SRGAP2B: variants seen among roughly 807,000 people sequenced by gnomAD.
SRGAP2B encodes SLIT-ROBO Rho GTPase activating protein 2B.
Under a neutral mutation model 22.2 loss-of-function variants are expected in SRGAP2B, and 9 were observed. The ratio of observed to expected loss-of-function variants is 0.41; its 90% confidence interval spans 0.24 to 0.71. SRGAP2B has a LOEUF of 0.71. SRGAP2B is among the 30% of genes least tolerant of loss of function. The pLI, the probability that SRGAP2B is intolerant of heterozygous loss-of-function variation, is 0.35. For missense variants in SRGAP2B, 114 were observed against 235.8 expected, an observed-to-expected ratio of 0.48 and a Z score of 3.38; for synonymous variants, 36 against 87.4, an observed-to-expected ratio of 0.41 and a Z score of 3.28.
intron 7 of SRGAP2B, among the ~76,000 whole-genome samples, chr1:144,904,698 CAAAAAA>C (rs1192600476): frequency 5.9e-5 from 1 of 16,938 alleles, no homozygotes; most frequent in East Asian, 2.0e-3. Context: ...GACTCTATCT[CAAAAAA>C]AAAAAAAAAA....
intron 4 of SRGAP2B, among the ~76,000 whole-genome samples, chr1:144,922,635 C>A (rs1664337422): frequency 6.6e-6 from 1 of 150,402 alleles, no homozygotes; most frequent in African/African-American, 2.5e-5. Flanking sequence ...AAGGAGGATA[C>A]AATTACCTTC....
At chr1:144,994,563 TGTGTGAGAGAGAGAGA>T (rs1398965865) in intron 3 of SRGAP2B, among the ~76,000 whole-genome samples, 2 of 35,226 alleles carry the variant, frequency 5.7e-5, no homozygotes, top group African/African-American at 2.2e-4. Flanking sequence ...TGTGTGTGTG[TGTGTGAGAGAGAGAGA>T]GAGAGAGAGA....
intron 5 of SRGAP2B, among the ~76,000 whole-genome samples, chr1:144,907,050 C>T: frequency 7.0e-6 from 1 of 143,386 alleles, no homozygotes. Context: ...TCTGTTTCCA[C>T]ACAGGGAGTT....
At position 144,906,039 on chromosome 1, in the gene SRGAP2B, G is replaced by A; in HGVS notation, c.522C>T (p.Ser174=). The change falls in exon 6 of 10, where the codon AGC becomes AGT. Residue 174 remains serine (S), a synonymous_variant. Transcript: ENST00000612199. ...CCTTTAGTTTGCTCTGAGCACTGAT[G>A]CTGTCGGCATTGTACATGTGATATG... 4 of 708,070 alleles carry A rather than the reference G, an allele frequency of 5.6e-6. No individual in the cohort carries two copies. The East Asian group carries it at 8.1e-5, about 14-fold the overall frequency. 43.9% of individuals were successfully genotyped at this position (708,070 alleles called of 1,614,324 possible).
chr1:144,987,899 C>T (rs1245886348), intron 3 of SRGAP2B, among the ~76,000 whole-genome samples: 1 of 150,996 alleles, frequency 6.6e-6, no homozygotes, highest in Non-Finnish European at 1.5e-5. Flanking sequence ...GGTCTCATCA[C>T]TGTACTACTA....
At chr1:145,044,697 A>AAAAAAAAAAAAAAAAAAAAG (rs1649569361) in intron 2 of SRGAP2B, among the ~76,000 whole-genome samples, 1 of 131,308 alleles carries the variant, frequency 7.6e-6, no homozygotes, top group Non-Finnish European at 1.6e-5. Flanking sequence ...AAAAAAAAAA[A>AAAAAAAAAAAAAAAAAAAAG]AAACAGAAAA....
chr1:144,996,284 C>T (rs1300457090), intron 2 of SRGAP2B, among the ~76,000 whole-genome samples: 1 of 147,902 alleles, frequency 6.8e-6, no homozygotes, highest in African/African-American at 2.6e-5. Flanking sequence ...CAGAATGGAG[C>T]CATTTCTTTC....
At chr1:144,987,868 A>C (rs1669865023) in intron 3 of SRGAP2B, among the ~76,000 whole-genome samples, 1 of 150,954 alleles carries the variant, frequency 6.6e-6, no homozygotes, top group South Asian at 2.1e-4. Context: ...CTAATGTTGC[A>C]TTGAGGCATT....
intron 5 of SRGAP2B, among the ~76,000 whole-genome samples, chr1:144,912,235 A>C (rs1663479498): frequency 6.8e-6 from 1 of 146,896 alleles, no homozygotes; most frequent in Admixed American, 6.7e-5. Flanking sequence ...TACAGGCATG[A>C]GCCTGGCTCA....
intron 2 of SRGAP2B, among the ~76,000 whole-genome samples, chr1:145,073,258 AAAG>A (rs1297173617): frequency 1.3e-5 from 2 of 148,806 alleles, no homozygotes; most frequent in African/African-American, 5.1e-5. Flanking sequence ...ATTTAGAAGA[AAAG>A]AAAATGACAG....
At chr1:144,932,584 T>C (rs1665283422) in intron 4 of SRGAP2B, among the ~76,000 whole-genome samples, 1 of 146,340 alleles carries the variant, frequency 6.8e-6, no homozygotes. Flanking sequence ...GTTTTTATAA[T>C]TTTTAGTTAA....
chr1:145,030,703 T>TA lies in SRGAP2B; in HGVS notation c.68-35504dup, dbSNP rs1178647433. On this transcript the variant is annotated intron_variant, in intron 2 of 9. Coordinates refer to ENST00000612199, the Ensembl canonical transcript of SRGAP2B. Reference sequence around the variant, plus strand: ...GTACTCTAGAACTTAAAGTATAATTTAAAAAAAAAAAAAAAAAAATATATA... The same window carrying TA: ...GTACTCTAGAACTTAAAGTATAATTTAAAAAAAAAAAAAAAAAAAATATATA... Among the ~76,000 whole-genome samples, 137 of 18,256 alleles carry TA rather than the reference T, an allele frequency of 7.5e-3. 5 individuals carry two copies. Among genetic ancestry groups the TA allele is most frequent in the African/African-American group, 0.01 (29 of 2,884 alleles). 12.0% of individuals were successfully genotyped at this position (18,256 alleles called of 152,430 possible). A position where few individuals can be genotyped will look rare whatever the true frequency, so the allele number is the denominator to read the frequency against.
intron 3 of SRGAP2B, among the ~76,000 whole-genome samples, chr1:144,975,076 T>C (rs1318583128): frequency 1.3e-5 from 2 of 148,690 alleles, no homozygotes; most frequent in Admixed American, 6.6e-5. Context: ...GTCTGGCCTA[T>C]GTCCCCATCA....
intron 4 of SRGAP2B, among the ~76,000 whole-genome samples, chr1:144,922,609 G>A (rs1424425340): frequency 1.3e-5 from 2 of 150,758 alleles, no homozygotes; most frequent in South Asian, 2.1e-4. Context: ...GAAGGTAGGG[G>A]TGGCAGAATG....
chr1:144,929,084 T>G (rs1570764061), intron 4 of SRGAP2B, among the ~76,000 whole-genome samples: 1 of 141,624 alleles, frequency 7.1e-6, no homozygotes, highest in Admixed American at 7.0e-5. Context: ...AAAATGTGCT[T>G]GTTGGCCATT....
chr1:144,963,024 T>G lies in SRGAP2B; in HGVS notation c.261-7423A>C, dbSNP rs587744981. ...CTTGTGGCTTGTGTGTACATTGGCT[T>G]GGATGAACCCACTGCAAAACCCTGA... is the stretch of plus-strand genomic sequence containing the variant. On this transcript the variant is annotated intron_variant, in intron 3 of 9. Coordinates refer to ENST00000612199, the Ensembl canonical transcript of SRGAP2B. Among the ~76,000 whole-genome samples the G allele has an allele frequency of 1.6e-4, 24 of 150,996 alleles. 1 individual carries two copies. The South Asian group carries it at 5.0e-3, about 31-fold the overall frequency.
At chr1:145,022,826 T>G (rs1571032138) in intron 2 of SRGAP2B, among the ~76,000 whole-genome samples, 1 of 147,594 alleles carries the variant, frequency 6.8e-6, no homozygotes, top group Non-Finnish European at 1.5e-5. Context: ...GGGATGGACA[T>G]AGGAAGTCAA....
At chr1:144,934,175 C>T (rs1165769929) in intron 4 of SRGAP2B, among the ~76,000 whole-genome samples, 12 of 150,470 alleles carry the variant, frequency 8.0e-5, no homozygotes, top group Non-Finnish European at 1.5e-4. Context: ...GAGGCCGAGG[C>T]GGGTGGATCA....
At position 145,063,986 on chromosome 1, in the gene SRGAP2B, G is replaced by A. The variant is rs627360; in HGVS notation, c.67+28849C>T. Among the ~76,000 whole-genome samples, 15 of 148,502 alleles carry A rather than the reference G, an allele frequency of 1.0e-4. No individual in the cohort carries two copies. In the East Asian group the frequency reaches 1.6e-3, roughly 16 times the overall value. On this transcript the variant is annotated intron_variant, in intron 2 of 9. Coordinates refer to ENST00000612199, the Ensembl canonical transcript of SRGAP2B. ...ACTATGGAAAGCTCTCTTGGGGCAC[G>A]AAAACGAATAAAACCTTCATGGACC... is the stretch of plus-strand genomic sequence containing the variant.
Sources: allele counts gnomAD v4.1 joint callset (sites outside exome capture counted in the v4.1 genomes callset), GRCh38; gene constraint gnomAD v4.1.1; transcripts MANE v1.5; gene names NCBI Gene and HGNC (gene_info 2026-07-23, HGNC 2026-07-21).